Variants in ATP2B4 observed in about 807,000 individuals in gnomAD.
ATP2B4 encodes plasma membrane calcium-transporting ATPase 4.
Under a neutral mutation model 110.3 loss-of-function variants are expected in ATP2B4, and 39 were observed. The observed-to-expected ratio is 0.35, with a 90% confidence interval of 0.27 to 0.46. The LOEUF is 0.46. Among genes scored for constraint, ATP2B4 ranks in the 20% least tolerant of loss-of-function variants. The pLI is 1.00. For synonymous variants in ATP2B4, 538 were observed against 571.7 expected (o/e 0.94, Z 0.84); for missense variants, 1,135 against 1,530.9 (o/e 0.74, Z 4.32).
chr1:203,666,798 G>A (rs1255093162), intron 1 of ATP2B4, among the ~76,000 whole-genome samples: 1 of 152,148 alleles, frequency 6.6e-6, no homozygotes, highest in East Asian at 1.9e-4. Flanking sequence ...GAAGAAAAAG[G>A]CAGTTCCCTT....
At chr1:203,724,063 G>A (rs79600755) in intron 19 of ATP2B4, 75 bp downstream of exon 19, 17,263 of 1,288,822 alleles carry the variant, frequency 0.013, 740 homozygotes, top group African/African-American at 0.12. Context: ...GATGGAACAA[G>A]CAACGGTGGA....
chr1:203,637,753 A>G (rs1476530507), intron 1 of ATP2B4, among the ~76,000 whole-genome samples: 1 of 152,218 alleles, frequency 6.6e-6, no homozygotes, highest in African/African-American at 2.4e-5. Flanking sequence ...TGGCCAGGGA[A>G]GCTGCCCAAG....
At chr1:203,719,464 C>A (rs916668552) in intron 15 of ATP2B4, among the ~76,000 whole-genome samples, 7 of 151,952 alleles carry the variant, frequency 4.6e-5, no homozygotes, top group African/African-American at 1.7e-4. Context: ...AATCCCAGCA[C>A]TTTGGGAGGC....
At chr1:203,656,141 A>G (rs1664158552) in intron 1 of ATP2B4, among the ~76,000 whole-genome samples, 1 of 151,912 alleles carries the variant, frequency 6.6e-6, no homozygotes, top group Non-Finnish European at 1.5e-5. Flanking sequence ...ATCACAGATC[A>G]CAAAAGTGCT....
At position 203,707,993 on chromosome 1, in the gene ATP2B4, T is replaced by C. The variant is rs1458456327; in HGVS notation, c.1446T>C (p.Ile482=). The C allele has an allele frequency of 1.9e-6, 3 of 1,614,192 alleles. No homozygotes were observed. In the African/African-American group the frequency reaches 4.0e-5, roughly 22 times the overall value. ...GCATGACTGTGGTACAAGCTTATAT[T>C]GGGGGCATCCATTACCGTCAAATCC... The part of the protein sequence containing the change: ...MNRMTVVQAY[I]GGIHYRQIPS... Residue 482 remains isoleucine (I), a synonymous_variant, in exon 10 of 21, where the codon ATT becomes ATC. Coordinates refer to ENST00000357681, the MANE Select transcript of ATP2B4 (RefSeq NM_001684.5).
In ATP2B4 at chr1:203,629,052, G is replaced by A. The variant is rs1053150134; in HGVS notation, c.-465+1833G>A. Among the ~76,000 whole-genome samples the A allele has an allele frequency of 1.3e-5, 2 of 152,176 alleles. No homozygotes were observed. The highest frequency in any genetic ancestry group is 6.5e-5 in the Admixed American group (1 of 15,282). Reference sequence around the variant, plus strand: ...GAGGAGTGGTAAAGGCTACAGCTGAGACACTGCGGGAGAAGGAAGTAAAAC... The same window carrying A: ...GAGGAGTGGTAAAGGCTACAGCTGAAACACTGCGGGAGAAGGAAGTAAAAC... On this transcript the variant is annotated intron_variant, in intron 1 of 20. Transcript: ENST00000357681. The surrounding 1 kb of genome is among the most constrained non-coding windows in gnomAD (Gnocchi z 4.6).
chr1:203,698,468 TC>T, intron 3 of ATP2B4, 114 bp downstream of exon 3: 1 of 1,161,774 alleles, frequency 8.6e-7, no homozygotes, highest in Non-Finnish European at 1.2e-6. Flanking sequence ...TCCCCCATTA[TC>T]CAGAGTGGGC....
intron 1 of ATP2B4, among the ~76,000 whole-genome samples, chr1:203,670,242 G>A (rs575763369): frequency 3.4e-4 from 52 of 151,130 alleles, no homozygotes; most frequent in African/African-American, 1.1e-3. Flanking sequence ...GCAGTGGCAC[G>A]ATCTCAGCTC....
chr1:203,714,102 G>A, intron 14 of ATP2B4, 69 bp from the exon 15 acceptor site: 1 of 1,357,848 alleles, frequency 7.4e-7, no homozygotes, highest in Non-Finnish European at 1.0e-6. Context: ...TAGAAGGAGT[G>A]GCGGGTGGTA....
intron 1 of ATP2B4, among the ~76,000 whole-genome samples, chr1:203,633,906 C>T (rs866169978): frequency 6.6e-6 from 1 of 151,844 alleles, no homozygotes. Flanking sequence ...CAAAATTAGC[C>T]GGGCGTGGTA....
rs61825650 is a variant in ATP2B4, at chr1:203,705,714, T to C, written c.1100-1295T>C. ...TTATAGGCGTGAGCCACTGTACCTG[T>C]CCCCTGCCTTGTTCTTCTTACAGAG... On this transcript the variant is annotated intron_variant, in intron 8 of 20. Coordinates refer to ENST00000357681, the MANE Select transcript of ATP2B4 (RefSeq NM_001684.5). Among the ~76,000 whole-genome samples, 381 of 152,278 alleles carry C rather than the reference T, an allele frequency of 2.5e-3. 2 individuals are homozygous for C. The highest frequency in any genetic ancestry group is 3.5e-3 in the Non-Finnish European group (239 of 68,024).
At chr1:203,683,488 T>G in intron 2 of ATP2B4, 90 bp downstream of exon 2, 1 of 1,347,880 alleles carries the variant, frequency 7.4e-7, no homozygotes, top group Non-Finnish European at 1.0e-6. Flanking sequence ...GGCACATTTC[T>G]GGAGGCCCAG....
At chr1:203,680,580 G>T (rs1323452175) in intron 1 of ATP2B4, among the ~76,000 whole-genome samples, 7 of 149,306 alleles carry the variant, frequency 4.7e-5, no homozygotes, top group African/African-American at 1.7e-4. Context: ...CTGCACTCCA[G>T]CCTGGGCGAC....
intron 1 of ATP2B4, among the ~76,000 whole-genome samples, chr1:203,678,699 T>C (rs1184861754): frequency 2.0e-5 from 3 of 152,210 alleles, no homozygotes; most frequent in African/African-American, 7.2e-5. Context: ...CCACGGCACC[T>C]GGCAGATGCC....
At chr1:203,737,193 C>G (rs915952755) in intron 20 of ATP2B4, among the ~76,000 whole-genome samples, 2 of 152,212 alleles carry the variant, frequency 1.3e-5, no homozygotes, top group Admixed American at 6.5e-5. Flanking sequence ...CAGACCCTCA[C>G]TCCAACCCCA....
chr1:203,700,090 C>G, intron 4 of ATP2B4, 116 bp from the exon 5 acceptor site: 1 of 1,256,176 alleles, frequency 8.0e-7, no homozygotes, highest in Admixed American at 2.3e-5. Flanking sequence ...CCATTGCTGT[C>G]TAGATAGGGC....
intron 1 of ATP2B4, among the ~76,000 whole-genome samples, chr1:203,643,647 G>A (rs566988221): frequency 3.3e-4 from 51 of 152,310 alleles, no homozygotes; most frequent in Non-Finnish European, 6.6e-4. Flanking sequence ...AGTGCTCCAG[G>A]CTCTCTTGGA....
chr1:203,739,805 A>G lies in ATP2B4; in HGVS notation c.3569A>G (p.Gln1190Arg). The G allele has an allele frequency of 2.5e-6, 4 of 1,614,158 alleles. No homozygotes were observed. Among genetic ancestry groups the G allele is most frequent in the Non-Finnish European group, 3.4e-6 (4 of 1,180,032 alleles). ...AATGCGGTGGATTGCAACCAAGTGC[A>G]GCTCCCCCAGTCGGACAGCTCTCTA... The part of the protein sequence containing the change: ...NNNAVDCNQV[Q>R]LPQSDSSLQS... The change falls in exon 21 of 21, where the codon CAG becomes CGG. Residue 1190 changes from glutamine to arginine, a missense_variant. By Grantham distance (43) the Gln-to-Arg change is conservative. Transcript: ENST00000357681.
At chr1:203,721,904 G>A (rs569346855) in intron 17 of ATP2B4, among the ~76,000 whole-genome samples, 1 of 151,696 alleles carries the variant, frequency 6.6e-6, no homozygotes, top group South Asian at 2.1e-4. Flanking sequence ...CTTGTGATCT[G>A]CCCACCTCAG....
Sources: gnomAD v4.1 joint callset for allele counts (sites outside exome capture counted in the v4.1 genomes callset) on GRCh38, gnomAD v4.1.1 for gene constraint, Gnocchi (gnomAD v3.1) non-coding constraint, MANE v1.5 for transcripts, NCBI Gene and HGNC (gene_info 2026-07-23, HGNC 2026-07-21) for gene names.